Variants in MAEA observed in about 807,000 individuals in gnomAD.
MAEA encodes E3 ubiquitin-protein transferase MAEA.
Under a neutral mutation model 46.2 loss-of-function variants are expected in MAEA, and 22 were observed. That is an observed-to-expected ratio of 0.48 (90% confidence interval 0.34 to 0.68). The LOEUF is 0.68. Ranked by LOEUF, MAEA falls within the 30% of genes least tolerant of loss-of-function variation. The pLI is 0.01. For synonymous variants in MAEA, 246 were observed against 222.6 expected (o/e 1.11, Z -0.94); for missense variants, 393 against 558.1 (o/e 0.70, Z 2.98).
chr4:1,338,987 TG>T, intron 8 of MAEA, 86 bp from the exon 9 acceptor site: 1 of 1,110,458 alleles, frequency 9.0e-7, no homozygotes, highest in Non-Finnish European at 1.4e-6. Flanking sequence ...AGTCATTCCC[TG>T]GTGGTTCATT....
intron 5 of MAEA, 106 bp downstream of exon 5, chr4:1,327,809 C>T (rs917493694): frequency 1.6e-5 from 15 of 909,916 alleles, no homozygotes; most frequent in South Asian, 9.8e-5. Context: ...TCCCCTGGGT[C>T]GTCCCCTGGG....
At chr4:1,315,884 CCCA>C (rs762917999) in intron 3 of MAEA, among the ~76,000 whole-genome samples, 2,409 of 56,794 alleles carry the variant, frequency 0.042, 137 homozygotes, top group African/African-American at 0.082. Flanking sequence ...CCCCCCCCCC[CCCA>C]ATGTGCGTGT....
chr4:1,325,978 G>C (rs1488409694), intron 4 of MAEA, among the ~76,000 whole-genome samples: 2 of 152,042 alleles, frequency 1.3e-5, no homozygotes, highest in African/African-American at 2.4e-5. Flanking sequence ...GTGATGAGGG[G>C]CTGAGGGTAC....
chr4:1,317,787 G>A (rs554573837), intron 3 of MAEA, among the ~76,000 whole-genome samples: 1 of 152,354 alleles, frequency 6.6e-6, no homozygotes, highest in Admixed American at 6.5e-5. Context: ...ATCCTCTGCG[G>A]TGACCGGGGC....
At chr4:1,291,968 T>C (rs1406294950) in intron 1 of MAEA, among the ~76,000 whole-genome samples, 1 of 152,122 alleles carries the variant, frequency 6.6e-6, no homozygotes, top group Non-Finnish European at 1.5e-5. Flanking sequence ...ATAATGGAGG[T>C]GTTTTGCTGG....
intron 3 of MAEA, 119 bp downstream of exon 3, chr4:1,315,719 C>G (rs572521651): frequency 9.8e-6 from 8 of 819,796 alleles, no homozygotes; most frequent in Admixed American, 6.8e-5. Flanking sequence ...CCCCTCCCCC[C>G]ACCCCCGTAT....
At chr4:1,303,758 G>A (rs1735560594) in intron 1 of MAEA, among the ~76,000 whole-genome samples, 2 of 151,888 alleles carry the variant, frequency 1.3e-5, no homozygotes, top group African/African-American at 2.4e-5. Context: ...ATATTAAAGG[G>A]GTGAATTTTA....
rs965986476 is a variant in MAEA at position 1,339,422 on chromosome 4, G to A, written c.*253G>A. 2 of 520,330 alleles carry A rather than the reference G, an allele frequency of 3.8e-6. No individual in the cohort carries two copies. The allele number at this position is 520,330 out of a possible 1,614,324, so 32.2% of individuals were successfully genotyped here. The stretch of plus-strand genomic sequence containing the variant: ...CTTCTGAAAAGTACTTTCAACTTGC[G>A]AAGGAAACTCTTCTTTAAAGACTGA... On this transcript the variant is annotated 3_prime_UTR_variant, in exon 9 of 9. Coordinates refer to ENST00000303400, the MANE Select transcript of MAEA (RefSeq NM_001017405.3).
At chr4:1,328,559 G>A (rs1739136968) in intron 5 of MAEA, 1 of 1,134,846 alleles carries the variant, frequency 8.8e-7, no homozygotes, top group Non-Finnish European at 1.1e-6. Flanking sequence ...CGAGTGCCCA[G>A]CAGGTGTGTT....
At chr4:1,306,177 G>A (rs1239732540) in intron 1 of MAEA, among the ~76,000 whole-genome samples, 1 of 151,286 alleles carries the variant, frequency 6.6e-6, no homozygotes, top group Non-Finnish European at 1.5e-5. Flanking sequence ...TTGGCCAAAT[G>A]TTTGTTGGGG....
In MAEA at chr4:1,339,278, G is replaced by A. The variant is rs1011548177; in HGVS notation, c.*109G>A. On this transcript the variant is annotated 3_prime_UTR_variant, in exon 9 of 9. Coordinates refer to ENST00000303400, the MANE Select transcript of MAEA (RefSeq NM_001017405.3). ...CTGCCGCGGCGTTTCTGTTTCTTGC[G>A]ACCAAAGATCCGTGAGCAACGATAA... is the stretch of plus-strand genomic sequence containing the variant. The A allele has an allele frequency of 3.9e-6, 3 of 769,518 alleles. No homozygotes were observed. The highest frequency in any genetic ancestry group is 2.2e-5 in the Admixed American group (1 of 46,254). The allele number at this position is 769,518 out of a possible 1,614,324, so 47.7% of individuals were successfully genotyped here. A position where few individuals can be genotyped will look rare whatever the true frequency, so the allele number is the denominator to read the frequency against.
chr4:1,312,318 G>A lies in MAEA; in HGVS notation c.252+157G>A, dbSNP rs769001673. 51 of 753,618 alleles carry A rather than the reference G, an allele frequency of 6.8e-5. 1 individual carries two copies. In the South Asian group the frequency reaches 8.5e-4, roughly 13 times the overall value. 46.7% of individuals were successfully genotyped at this position (753,618 alleles called of 1,614,324 possible). On this transcript the variant is annotated intron_variant, in intron 2 of 8. Transcript: ENST00000303400. Reference sequence around the variant, plus strand: ...TGTCTGCCTTCTGGGGCCACTGTCGGCTGAGCAGGCCAGCTTCCTGTTCCT... The same window carrying A: ...TGTCTGCCTTCTGGGGCCACTGTCGACTGAGCAGGCCAGCTTCCTGTTCCT...
At chr4:1,309,852 G>T in intron 1 of MAEA, 1 of 1,315,526 alleles carries the variant, frequency 7.6e-7, no homozygotes, top group Non-Finnish European at 9.7e-7. Flanking sequence ...CCCTGTGCCT[G>T]AGCAGCGTCA....
rs148301441 is a variant in MAEA at position 1,315,345 on chromosome 4, A to G, written c.253-52A>G. On this transcript the variant is annotated intron_variant, in intron 2 of 8. Transcript: ENST00000303400. The stretch of plus-strand genomic sequence containing the variant: ...GGGGCAGCCTGGCCTCCCTTGGTGC[A>G]GGGCTGCGGGGCATCCCTGTCCTGA... 8.4e-4 allele frequency: 1,319 copies of G among 1,564,430 alleles called. 12 individuals carry two copies. The African/African-American group carries it at 0.015, about 18-fold the overall frequency.
intron 1 of MAEA, chr4:1,309,832 C>T (rs939042214): frequency 1.2e-5 from 16 of 1,354,234 alleles, no homozygotes; most frequent in African/African-American, 1.0e-4. Context: ...ACCAGCTGCC[C>T]GGAGCTCTGC....
At chr4:1,325,248 G>C (rs1200704056) in intron 4 of MAEA, among the ~76,000 whole-genome samples, 5 of 152,194 alleles carry the variant, frequency 3.3e-5, no homozygotes, top group Non-Finnish European at 5.9e-5. Flanking sequence ...GGATTTCACA[G>C]GCATGGGTGG....
intron 5 of MAEA, chr4:1,328,893 C>T (rs1029183447): frequency 3.9e-6 from 4 of 1,013,690 alleles, no homozygotes; most frequent in Non-Finnish European, 4.7e-6. Flanking sequence ...AGGGCTAAAG[C>T]GGGGATCTCG....
At position 1,339,962 on chromosome 4, in the gene MAEA, T is replaced by A. The variant is rs1713292344; in HGVS notation, c.*793T>A. ...GTCTAATTGCTATCCATTACAGAAA[T>A]TAATCGTTCAGTTGAAAGAAGTACT... On this transcript the variant is annotated 3_prime_UTR_variant, in exon 9 of 9. Coordinates refer to ENST00000303400, the MANE Select transcript of MAEA (RefSeq NM_001017405.3). The A allele has an allele frequency of 6.6e-6, 1 of 152,648 alleles. No homozygotes were observed. The highest frequency in any genetic ancestry group is 1.5e-5 in the Non-Finnish European group (1 of 68,026). 9.5% of individuals were successfully genotyped at this position (152,648 alleles called of 1,614,324 possible).
At chr4:1,327,729 T>G in intron 5 of MAEA, 26 bp downstream of exon 5, 1 of 1,602,692 alleles carries the variant, frequency 6.2e-7, no homozygotes, top group African/African-American at 1.3e-5. Flanking sequence ...GTGCGTCTCC[T>G]CGAGGGAGGG....
Sources: gnomAD v4.1 joint callset for allele counts (sites outside exome capture counted in the v4.1 genomes callset) on GRCh38, gnomAD v4.1.1 for gene constraint, MANE v1.5 for transcripts, NCBI Gene and HGNC (gene_info 2026-07-23, HGNC 2026-07-21) for gene names.